Variants in CYREN observed in about 807,000 individuals in gnomAD.
The protein encoded by CYREN is cell cycle regulator of NHEJ, also known as cell cycle regulator of non-homologous end joining.
In CYREN, 7 loss-of-function variants were observed where a neutral mutation model predicts 9.7. That is an observed-to-expected ratio of 0.72 (90% CI 0.41 to 1.36). The LOEUF is 1.36. CYREN is among the 40% of genes most tolerant of loss of function. CYREN has a pLI of 0.01. For missense variants in CYREN, 215 were observed against 198.1 expected (o/e 1.09, Z -0.51); for synonymous variants, 76 against 77.9 (o/e 0.98, Z 0.13).
chr7:135,121,955 A>G (rs903238634), intron 2 of CYREN, among the ~76,000 whole-genome samples: 1 of 152,172 alleles, frequency 6.6e-6, no homozygotes, highest in African/African-American at 2.4e-5. Context: ...TAGCGTCCCA[A>G]CCCCAGAGCC....
At chr7:135,154,891 T>C (rs563928709) in intron 2 of CYREN, among the ~76,000 whole-genome samples, 1 of 152,358 alleles carries the variant, frequency 6.6e-6, no homozygotes, top group African/African-American at 2.4e-5. Flanking sequence ...AATGTTTCTT[T>C]GTTAATTTTC....
intron 2 of CYREN, among the ~76,000 whole-genome samples, chr7:135,141,927 AT>A (rs947899817): frequency 6.6e-6 from 1 of 151,892 alleles, no homozygotes; most frequent in Non-Finnish European, 1.5e-5. Context: ...GTATGATTTC[AT>A]TTTTTCTTTA....
At chr7:135,145,098 A>G (rs987862968) in intron 2 of CYREN, among the ~76,000 whole-genome samples, 3 of 152,116 alleles carry the variant, frequency 2.0e-5, no homozygotes, top group African/African-American at 4.8e-5. Flanking sequence ...AAGGATGACA[A>G]GAGGAGACCA....
intron 2 of CYREN, among the ~76,000 whole-genome samples, chr7:135,112,660 T>C (rs188491467): frequency 4.2e-4 from 64 of 152,376 alleles, no homozygotes; most frequent in African/African-American, 1.5e-3. Context: ...AATAGATACT[T>C]TACTTTTTGC....
downstream of CYREN, chr7:135,165,242 C>T (rs1830063903): frequency 6.5e-6 from 3 of 459,878 alleles, no homozygotes; most frequent in African/African-American, 2.0e-5. Flanking sequence ...CTCCCTAAAC[C>T]ATGCAGCTCA....
chr7:135,171,890 A>G (rs1009486851), upstream of CYREN, among the ~76,000 whole-genome samples: 3 of 152,268 alleles, frequency 2.0e-5, no homozygotes, highest in Admixed American at 6.5e-5. Context: ...AGAGCAGCGC[A>G]TAGCAGGCTC....
intron 2 of CYREN, among the ~76,000 whole-genome samples, chr7:135,137,013 T>C (rs1829361046): frequency 6.6e-6 from 1 of 152,066 alleles, no homozygotes; most frequent in Non-Finnish European, 1.5e-5. Flanking sequence ...ATAAAAGCTA[T>C]TTATTCTCTC....
chr7:135,150,268 G>A (rs1310731983), intron 2 of CYREN, among the ~76,000 whole-genome samples: 1 of 152,202 alleles, frequency 6.6e-6, no homozygotes, highest in Non-Finnish European at 1.5e-5. Context: ...CTCTTCTGAA[G>A]AGAGGCTTTC....
At chr7:135,156,610 GATTA>G (rs1435714728) in intron 2 of CYREN, among the ~76,000 whole-genome samples, 4 of 151,860 alleles carry the variant, frequency 2.6e-5, no homozygotes, top group Non-Finnish European at 4.4e-5. Context: ...TTATATCCTG[GATTA>G]ATTTTCTGAT....
chr7:135,134,145 T>A (rs1368532719), intron 2 of CYREN, among the ~76,000 whole-genome samples: 1 of 152,134 alleles, frequency 6.6e-6, no homozygotes, highest in East Asian at 1.9e-4. Context: ...CTTGACTACA[T>A]CAATGTCAAT....
upstream of CYREN, among the ~76,000 whole-genome samples, chr7:135,171,889 C>T (rs1163584893): frequency 1.3e-5 from 2 of 152,268 alleles, no homozygotes; most frequent in Non-Finnish European, 2.9e-5. Flanking sequence ...CAGAGCAGCG[C>T]ATAGCAGGCT....
At chr7:135,124,487 C>G (rs1187691969) in intron 2 of CYREN, among the ~76,000 whole-genome samples, 1 of 152,138 alleles carries the variant, frequency 6.6e-6, no homozygotes, top group South Asian at 2.1e-4. Context: ...GACAGATCAA[C>G]AAGACAGAAA....
rs1342736958 is a variant in CYREN at position 135,167,452 on chromosome 7, C to G, written c.213+280G>C. ...AGGTAAACGCTTCATGTCCCATCCACATACACACCAGTGCACAGTCACGCT... is the reference window on the plus strand; with the variant it reads ...AGGTAAACGCTTCATGTCCCATCCAGATACACACCAGTGCACAGTCACGCT... On this transcript the variant is annotated intron_variant, in intron 3 of 3. Transcript: ENST00000393114. 5.4e-6 allele frequency: 7 copies of G among 1,292,530 alleles called. No individual in the cohort carries two copies. The East Asian group carries it at 2.3e-4, about 42-fold the overall frequency. The allele number at this position is 1,292,530 out of a possible 1,614,324, so 80.1% of individuals were successfully genotyped here. A position where few individuals can be genotyped will look rare whatever the true frequency, so the allele number is the denominator to read the frequency against.
intron 2 of CYREN, among the ~76,000 whole-genome samples, chr7:135,146,418 C>G (rs1238185330): frequency 6.6e-6 from 1 of 152,080 alleles, no homozygotes; most frequent in Non-Finnish European, 1.5e-5. Context: ...AAATGTGACA[C>G]AGAGACATGA....
intron 2 of CYREN, among the ~76,000 whole-genome samples, chr7:135,121,244 T>C (rs1269011465): frequency 6.6e-6 from 1 of 151,990 alleles, no homozygotes; most frequent in Non-Finnish European, 1.5e-5. Context: ...GCAAAATATG[T>C]GAAGCAAAAA....
intron 3 of CYREN, 177 bp from the exon 4 acceptor site, chr7:135,167,048 C>A: frequency 1.0e-6 from 1 of 985,204 alleles, no homozygotes; most frequent in Non-Finnish European, 1.2e-6. Flanking sequence ...TCCCCTGACC[C>A]CCTCTTCACA....
intron 2 of CYREN, among the ~76,000 whole-genome samples, chr7:135,122,223 G>A (rs1470478396): frequency 6.6e-6 from 1 of 152,194 alleles, no homozygotes; most frequent in Non-Finnish European, 1.5e-5. Flanking sequence ...TGAACAGCTT[G>A]GTTCCAAGAC....
chr7:135,166,641 C>T lies in CYREN; in HGVS notation c.444G>A (p.Leu148=). The T allele has an allele frequency of 2.5e-6, 4 of 1,603,338 alleles. No individual in the cohort carries two copies. Among genetic ancestry groups the T allele is most frequent in the Non-Finnish European group, 3.4e-6 (4 of 1,178,958 alleles). Residue 148 remains leucine (L), a synonymous_variant, in exon 4 of 4, where the codon CTG becomes CTA. Transcript: ENST00000393114. ...TGAAAAAGATCTCCCGGACGTATTT[C>T]AGCACATCCTCTTCCTCCTCCTCCT... is the stretch of plus-strand genomic sequence containing the variant. ...SPEEEEEEDV[L]KYVREIFFS is the part of the protein sequence containing the mutation.
chr7:135,104,481 T>C (rs886569822), intron 2 of CYREN, among the ~76,000 whole-genome samples: 1 of 152,206 alleles, frequency 6.6e-6, no homozygotes, highest in Non-Finnish European at 1.5e-5. Context: ...TAATTCTGTT[T>C]TTAGCTCCTT....
Sources: gnomAD v4.1 joint callset for allele counts (sites outside exome capture counted in the v4.1 genomes callset) on GRCh38, gnomAD v4.1.1 for gene constraint, MANE v1.5 for transcripts, NCBI Gene and HGNC (gene_info 2026-07-23, HGNC 2026-07-21) for gene names.